PDGFD: variants seen among roughly 807,000 people sequenced by gnomAD.
The protein encoded by PDGFD is platelet derived growth factor D.
Under a neutral mutation model 44.7 loss-of-function variants are expected in PDGFD, and 30 were observed. The ratio of observed to expected loss-of-function variants is 0.67; its 90% CI spans 0.50 to 0.91. The LOEUF (loss-of-function observed/expected upper bound fraction) is 0.91, where lower values mean the gene tolerates loss of function less well. Ranked by LOEUF, PDGFD falls within the 40% of genes least tolerant of loss-of-function variation. The pLI is 0.00. For missense variants in PDGFD, 445 were observed against 457.8 expected (o/e 0.97, Z 0.25); for synonymous variants, 173 against 168.4 (o/e 1.03, Z -0.21).
At chr11:103,965,896 C>T (rs899662010) in intron 3 of PDGFD, among the ~76,000 whole-genome samples, 3 of 152,232 alleles carry the variant, frequency 2.0e-5, no homozygotes, top group South Asian at 2.1e-4. Flanking sequence ...AGCAGATGAG[C>T]GAGGAAGCAG....
At chr11:104,055,152 C>T (rs762673519) in intron 1 of PDGFD, among the ~76,000 whole-genome samples, 14 of 152,290 alleles carry the variant, frequency 9.2e-5, no homozygotes, top group African/African-American at 2.4e-4. Flanking sequence ...TACTACAAAA[C>T]GCCAGTTCAT....
At chr11:103,943,698 T>C (rs776238316) in intron 4 of PDGFD, 48 bp from the exon 5 acceptor site, 52 of 1,490,194 alleles carry the variant, frequency 3.5e-5, no homozygotes, top group Non-Finnish European at 4.6e-5. Context: ...TCCATTGCTG[T>C]GAAATACAAC....
At chr11:103,943,357 CT>C in intron 5 of PDGFD, 94 bp downstream of exon 5, 3 of 1,230,628 alleles carry the variant, frequency 2.4e-6, no homozygotes, top group Non-Finnish European at 3.4e-6. Context: ...ATCCAAAAGA[CT>C]TCTGGTTTCA....
intron 1 of PDGFD, among the ~76,000 whole-genome samples, chr11:104,135,007 G>A (rs1183953988): frequency 6.6e-6 from 1 of 152,200 alleles, no homozygotes; most frequent in Non-Finnish European, 1.5e-5. Context: ...GAGGCCAGTG[G>A]GGAGGAGCAG....
intron 1 of PDGFD, among the ~76,000 whole-genome samples, chr11:104,065,256 C>A (rs1456930046): frequency 6.6e-6 from 1 of 152,068 alleles, no homozygotes; most frequent in East Asian, 1.9e-4. Context: ...TAATAAATGC[C>A]CCTTTATATA....
At chr11:104,042,400 C>T (rs147613618) in intron 1 of PDGFD, among the ~76,000 whole-genome samples, 413 of 152,296 alleles carry the variant, frequency 2.7e-3, no homozygotes, top group African/African-American at 8.9e-3. Flanking sequence ...TCTTGCTGTG[C>T]TTTCTGTGCC....
At chr11:104,058,771 A>C (rs559238731) in intron 1 of PDGFD, among the ~76,000 whole-genome samples, 127 of 152,374 alleles carry the variant, frequency 8.3e-4, no homozygotes, top group Middle Eastern at 3.4e-3. Context: ...AAATTACAGG[A>C]GTTTCATATG....
chr11:103,909,748 C>G lies in PDGFD; in HGVS notation c.1059G>C (p.Gln353His). 1 of 1,614,034 alleles carries G rather than the reference C, an allele frequency of 6.2e-7. No homozygotes were observed. Among genetic ancestry groups the G allele is most frequent in the East Asian group, 2.2e-5 (1 of 44,890 alleles). Reference sequence around the variant, plus strand: ...AATCACATCGTTCATGGTGATCCAACTGGATGTCAACTAGAGCCATGGTCT... The same window carrying G: ...AATCACATCGTTCATGGTGATCCAAGTGGATGTCAACTAGAGCCATGGTCT... Reference protein sequence around the residue: ...RAKTMALVDIQLDHHERCDCI... With the variant: ...RAKTMALVDIHLDHHERCDCI... The change falls in exon 7 of 7, where the codon CAG becomes CAC. Residue 353 changes from glutamine (Q) to histidine (H), a missense_variant. Coordinates refer to ENST00000393158, the MANE Select transcript of PDGFD (RefSeq NM_025208.5).
At chr11:103,981,327 T>C (rs1859269546) in intron 3 of PDGFD, among the ~76,000 whole-genome samples, 1 of 151,622 alleles carries the variant, frequency 6.6e-6, no homozygotes. Context: ...CCCTAGACCT[T>C]GGAGTTTCCT....
intron 1 of PDGFD, among the ~76,000 whole-genome samples, chr11:104,032,746 A>G (rs1860149141): frequency 6.6e-6 from 1 of 151,732 alleles, no homozygotes; most frequent in Admixed American, 6.6e-5. Context: ...TTACTTGGTT[A>G]GTATGAAATC....
In PDGFD at chr11:103,943,656, A is replaced by G; in HGVS notation, c.574-6T>C. ...GGAGAGTTATAGGATACCCCCTAAG[A>G]GTGACATACAGCTCAGTGTACTCAG... On this transcript the variant is annotated splice_polypyrimidine_tract_variant and splice_region_variant and intron_variant, in intron 4 of 6. Transcript: ENST00000393158. The G allele has an allele frequency of 6.2e-7, 1 of 1,608,588 alleles. No individual in the cohort carries two copies.
chr11:104,125,478 C>A (rs1265539208), intron 1 of PDGFD, among the ~76,000 whole-genome samples: 1 of 151,950 alleles, frequency 6.6e-6, no homozygotes, highest in African/African-American at 2.4e-5. Flanking sequence ...TCTACCTTAA[C>A]GAAAATGCTT....
intron 3 of PDGFD, among the ~76,000 whole-genome samples, chr11:103,987,067 C>G (rs1317951200): frequency 6.9e-5 from 1 of 14,394 alleles, no homozygotes; most frequent in South Asian, 6.8e-3. Context: ...ACTTTCCAAC[C>G]CCCCCCCACC....
chr11:103,939,378 A>G (rs1181215679), intron 5 of PDGFD, among the ~76,000 whole-genome samples: 3 of 152,192 alleles, frequency 2.0e-5, no homozygotes, highest in Admixed American at 2.0e-4. Flanking sequence ...GTGTATAGGA[A>G]TGCTTGTGAT....
intron 1 of PDGFD, among the ~76,000 whole-genome samples, chr11:104,157,778 A>AAGC (rs1425922384): frequency 2.0e-5 from 3 of 152,198 alleles, no homozygotes; most frequent in Non-Finnish European, 4.4e-5. Flanking sequence ...ATTGATAAGG[A>AAGC]AGCAGACTTT....
At chr11:104,143,772 C>G (rs1334133158) in intron 1 of PDGFD, among the ~76,000 whole-genome samples, 1 of 152,180 alleles carries the variant, frequency 6.6e-6, no homozygotes, top group Non-Finnish European at 1.5e-5. Context: ...TCAAGTGAAA[C>G]TCACTTCCAA....
At chr11:104,022,713 C>T (rs1299365012) in intron 1 of PDGFD, among the ~76,000 whole-genome samples, 3 of 148,324 alleles carry the variant, frequency 2.0e-5, no homozygotes, top group African/African-American at 7.3e-5. Context: ...ATGTATATCT[C>T]AATATATATA....
At position 104,023,088 on chromosome 11, in the gene PDGFD, GCTCCCCAGGGTGAAATGTTCCA is replaced by G. The variant is rs1158369601; in HGVS notation, c.125-22855_125-22834del. 2.0e-5 allele frequency among the ~76,000 whole-genome samples: 3 copies of G among 152,164 alleles called. No homozygotes were observed. In the East Asian group the frequency reaches 5.8e-4, roughly 29 times the overall value. On this transcript the variant is annotated intron_variant, in intron 1 of 6. Coordinates refer to ENST00000393158, the MANE Select transcript of PDGFD (RefSeq NM_025208.5). Reference sequence around the variant, plus strand: ...AAAGTGGTTACAGTCATTTTGGGGGGCTCCCCAGGGTGAAATGTTCCACTTTTTATAGCTTTGTATATAATTA... The same window carrying G: ...AAAGTGGTTACAGTCATTTTGGGGGGCTTTTTATAGCTTTGTATATAATTA...
At chr11:104,146,359 C>T (rs1862162765) in intron 1 of PDGFD, among the ~76,000 whole-genome samples, 1 of 152,138 alleles carries the variant, frequency 6.6e-6, no homozygotes, top group African/African-American at 2.4e-5. Context: ...AACACAATTG[C>T]CATGGACATC....
Sources: gnomAD v4.1 joint callset for allele counts (sites outside exome capture counted in the v4.1 genomes callset) on GRCh38, gnomAD v4.1.1 for gene constraint, MANE v1.5 for transcripts, NCBI Gene and HGNC (gene_info 2026-07-23, HGNC 2026-07-21) for gene names.